CACNA1E: variants seen among roughly 807,000 people sequenced by gnomAD.
CACNA1E encodes the protein voltage-dependent R-type calcium channel subunit alpha-1E.
In CACNA1E, 40 loss-of-function variants were observed where a neutral mutation model predicts 259.2. That is an observed-to-expected ratio of 0.15 (90% CI 0.12 to 0.20). The LOEUF (loss-of-function observed/expected upper bound fraction) is 0.20. Among genes scored for constraint, CACNA1E ranks in the 10% least tolerant of loss-of-function variants. The pLI, the probability that CACNA1E is intolerant of heterozygous loss-of-function variation, is 1.00. For synonymous variants in CACNA1E, 1,104 were observed against 1,138.5 expected (o/e 0.97, Z 0.61); for missense variants, 1,874 against 3,040.1 (o/e 0.62, Z 9.02).
intron 1 of CACNA1E, among the ~76,000 whole-genome samples, chr1:181,376,569 A>G (rs150198232): frequency 9.3e-4 from 141 of 152,152 alleles, no homozygotes; most frequent in African/African-American, 2.9e-3. Flanking sequence ...CCTGTTTCCC[A>G]TTTTTGGAAG....
intron 25 of CACNA1E, 32 bp downstream of exon 25, chr1:181,739,285 C>A (rs1656340727): frequency 2.2e-6 from 3 of 1,365,196 alleles, no homozygotes; most frequent in East Asian, 4.6e-5. Context: ...TGATTCCCTT[C>A]CTTCCCCTCT....
In CACNA1E at chr1:181,772,363, A is replaced by C. The variant is rs544224990; in HGVS notation, c.5139+132A>C. On this transcript the variant is annotated intron_variant, in intron 37 of 47. Transcript: ENST00000367573. Reference sequence around the variant, plus strand: ...CCTCCCCTCCTCTCTCCACACCCCCACCATGCACACACTCACACTCACGTC... The same window carrying C: ...CCTCCCCTCCTCTCTCCACACCCCCCCCATGCACACACTCACACTCACGTC... 65 of 808,046 alleles carry C rather than the reference A, an allele frequency of 8.0e-5. No individual in the cohort carries two copies. The African/African-American group carries it at 9.0e-4, about 11-fold the overall frequency. The allele number at this position is 808,046 out of a possible 1,614,324, so 50.1% of individuals were successfully genotyped here.
chr1:181,629,155 T>C (rs1313833381), intron 6 of CACNA1E, among the ~76,000 whole-genome samples: 1 of 152,166 alleles, frequency 6.6e-6, no homozygotes, highest in African/African-American at 2.4e-5. Context: ...GCTTGGGTGA[T>C]GCCCATCCAA....
At chr1:181,587,579 C>T (rs781765392) in intron 6 of CACNA1E, among the ~76,000 whole-genome samples, 1 of 152,090 alleles carries the variant, frequency 6.6e-6, no homozygotes, top group African/African-American at 2.4e-5. Flanking sequence ...GATTATAGAC[C>T]GTTTTTAAAA....
chr1:181,398,672 A>G (rs1656869837), intron 1 of CACNA1E, among the ~76,000 whole-genome samples: 1 of 152,210 alleles, frequency 6.6e-6, no homozygotes, highest in Non-Finnish European at 1.5e-5. Flanking sequence ...ACTGGCTTCC[A>G]TGAAGCACCA....
intron 2 of CACNA1E, among the ~76,000 whole-genome samples, chr1:181,449,863 T>G (rs3898621): frequency 8.6e-4 from 131 of 152,344 alleles, no homozygotes; most frequent in Non-Finnish European, 1.6e-3. Flanking sequence ...GTGTTATCAT[T>G]GCTATGGGGA....
chr1:181,342,770 C>G (rs924997272), intron 1 of CACNA1E, among the ~76,000 whole-genome samples: 2 of 152,196 alleles, frequency 1.3e-5, no homozygotes, highest in Non-Finnish European at 2.9e-5. Context: ...AAGAGGACCA[C>G]TGATAGAGAA....
intron 36 of CACNA1E, 47 bp downstream of exon 36, chr1:181,771,431 G>A (rs1006557860): frequency 2.0e-6 from 2 of 998,002 alleles, no homozygotes; most frequent in Non-Finnish European, 3.1e-6. Flanking sequence ...CTGATGGAGG[G>A]AGAGAGAGTT....
rs188809290 is a variant in CACNA1E, at chr1:181,698,854, A to G, written c.1056-12100A>G. Among the ~76,000 whole-genome samples the G allele has an allele frequency of 3.2e-3, 484 of 152,324 alleles. 3 individuals are homozygous for G. Among genetic ancestry groups the G allele is most frequent in the African/African-American group, 0.011 (465 of 41,574 alleles). On this transcript the variant is annotated intron_variant, in intron 7 of 47. Coordinates refer to ENST00000367573, the MANE Select transcript of CACNA1E (RefSeq NM_001205293.3). ...GTTGGTGATTTATTAAATATCCTCA[A>G]TTTAAGAAAGACTTCTAAGTAAGGG...
At chr1:181,390,242 A>T (rs541143978) in intron 1 of CACNA1E, among the ~76,000 whole-genome samples, 5 of 152,304 alleles carry the variant, frequency 3.3e-5, no homozygotes, top group African/African-American at 1.2e-4. Context: ...TGCTAACCTG[A>T]CCGCCTTAGG....
At chr1:181,391,919 C>T (rs1023798201) in intron 1 of CACNA1E, among the ~76,000 whole-genome samples, 2 of 105,020 alleles carry the variant, frequency 1.9e-5, no homozygotes, top group African/African-American at 9.5e-5. Context: ...GTCTTTCTCT[C>T]TCTCTGTCTC....
intron 1 of CACNA1E, among the ~76,000 whole-genome samples, chr1:181,389,295 C>T (rs1273822872): frequency 6.6e-6 from 1 of 152,116 alleles, no homozygotes; most frequent in Admixed American, 6.5e-5. Flanking sequence ...AAAATCATGG[C>T]ACTAAATAGA....
chr1:181,461,110 A>G (rs1661772111), intron 2 of CACNA1E, among the ~76,000 whole-genome samples: 2 of 152,218 alleles, frequency 1.3e-5, no homozygotes, highest in Admixed American at 1.3e-4. Context: ...AGCTTTTGCC[A>G]TTAAGGGAGG....
chr1:181,667,372 G>A (rs977704391), intron 7 of CACNA1E, among the ~76,000 whole-genome samples: 5 of 152,122 alleles, frequency 3.3e-5, no homozygotes, highest in African/African-American at 1.2e-4. Flanking sequence ...AGTTGCAAAT[G>A]TTTTGGAGAA....
At chr1:181,591,745 C>G (rs1289092599) in intron 6 of CACNA1E, among the ~76,000 whole-genome samples, 1 of 152,140 alleles carries the variant, frequency 6.6e-6, no homozygotes, top group Non-Finnish European at 1.5e-5. Context: ...TGGCAACTTA[C>G]TTAATCTCTG....
At chr1:181,640,928 C>G (rs1280938036) in intron 6 of CACNA1E, among the ~76,000 whole-genome samples, 1 of 152,132 alleles carries the variant, frequency 6.6e-6, no homozygotes, top group Non-Finnish European at 1.5e-5. Flanking sequence ...AAACATTCAG[C>G]CCTAATGGGA....
intron 42 of CACNA1E, 76 bp from the exon 43 acceptor site, chr1:181,785,637 T>C: frequency 3.9e-6 from 4 of 1,021,008 alleles, no homozygotes; most frequent in East Asian, 2.4e-5. Context: ...GTATTATCCA[T>C]GTTAATTTTA....
intron 33 of CACNA1E, among the ~76,000 whole-genome samples, chr1:181,762,929 T>C (rs1658711200): frequency 6.6e-6 from 1 of 152,178 alleles, no homozygotes; most frequent in Non-Finnish European, 1.5e-5. Context: ...AGAGAGCTAG[T>C]ATGCATAGCG....
Position 181,346,298 on chromosome 1 carries a change from G to A in CACNA1E, c.-15+28175G>A, listed in dbSNP as rs1212374867. Among the ~76,000 whole-genome samples the A allele has an allele frequency of 2.0e-5, 3 of 152,236 alleles. No homozygotes were observed. The East Asian group carries it at 5.8e-4, about 29-fold the overall frequency. Reference sequence around the variant, plus strand: ...ACTTTCTCCAATACATTTCTCTGCTGTAGTTTTTCTCCTTAGTCCTTATCA... The same window carrying A: ...ACTTTCTCCAATACATTTCTCTGCTATAGTTTTTCTCCTTAGTCCTTATCA... On this transcript the variant is annotated intron_variant, in intron 1 of 11. Coordinates refer to the CACNA1E transcript ENST00000524607.
Sources: allele counts gnomAD v4.1 joint callset (sites outside exome capture counted in the v4.1 genomes callset), GRCh38; gene constraint gnomAD v4.1.1; transcripts MANE v1.5; gene names NCBI Gene and HGNC (gene_info 2026-07-23, HGNC 2026-07-21).